GSTCD: variants seen among roughly 807,000 people sequenced by gnomAD.
GSTCD encodes glutathione S-transferase C-terminal domain-containing protein.
A neutral mutation model predicts 68.3 loss-of-function variants in GSTCD; 44 were observed. The observed-to-expected ratio is 0.64, with a 90% CI of 0.51 to 0.83. The LOEUF (loss-of-function observed/expected upper bound fraction) is 0.83. Ranked by LOEUF, GSTCD falls within the 40% of genes least tolerant of loss-of-function variation. The probability of loss-of-function intolerance (pLI) is 0.00; values close to 1 mark genes in which losing one functional copy is unlikely to be tolerated. For synonymous variants in GSTCD, 273 were observed against 255.2 expected (o/e 1.07, Z -0.67); for missense variants, 739 against 735.9 (o/e 1.00, Z -0.05).
chr4:105,790,835 T>A (rs904503632), intron 5 of GSTCD, among the ~76,000 whole-genome samples: 12 of 152,046 alleles, frequency 7.9e-5, no homozygotes, highest in African/African-American at 1.7e-4. Context: ...TGCCTTTTTT[T>A]TAAAAATTTT....
intron 1 of GSTCD, chr4:105,711,175 C>T (rs1037109063): frequency 6.6e-6 from 1 of 151,992 alleles, no homozygotes; most frequent in Non-Finnish European, 1.5e-5. Context: ...GCATAAAACA[C>T]AAGATAAGTT....
chr4:105,733,469 G>T (rs2149215308), intron 5 of GSTCD, among the ~76,000 whole-genome samples: 1 of 152,190 alleles, frequency 6.6e-6, no homozygotes. Context: ...TTTGATCTTT[G>T]TTGGTTTAAA....
chr4:105,767,591 A>G (rs1734668106), intron 5 of GSTCD, among the ~76,000 whole-genome samples: 1 of 152,160 alleles, frequency 6.6e-6, no homozygotes, highest in South Asian at 2.1e-4. Context: ...GCTTATTTAC[A>G]TTTTTGCATA....
intron 5 of GSTCD, among the ~76,000 whole-genome samples, chr4:105,738,720 T>C (rs950322942): frequency 6.6e-6 from 1 of 152,208 alleles, no homozygotes; most frequent in African/African-American, 2.4e-5. Context: ...TTATCAGTTC[T>C]AAGAGTTTCT....
chr4:105,841,572 T>A (rs1028369407), intron 10 of GSTCD, among the ~76,000 whole-genome samples: 3 of 152,042 alleles, frequency 2.0e-5, no homozygotes, highest in African/African-American at 7.2e-5. Context: ...TGGTGGCTCA[T>A]ACCTGTTAAT....
intron 5 of GSTCD, among the ~76,000 whole-genome samples, chr4:105,733,889 C>CA (rs1364943376): frequency 6.6e-6 from 1 of 152,136 alleles, no homozygotes; most frequent in Non-Finnish European, 1.5e-5. Flanking sequence ...CTGGTGGTGA[C>CA]AAAATCTCTC....
intron 5 of GSTCD, among the ~76,000 whole-genome samples, chr4:105,746,908 C>T (rs1249326747): frequency 6.6e-6 from 1 of 152,154 alleles, no homozygotes; most frequent in Non-Finnish European, 1.5e-5. Context: ...GCTCTAGTCC[C>T]TACTTCTTTG....
At chr4:105,729,875 T>C (rs925187590) in intron 5 of GSTCD, among the ~76,000 whole-genome samples, 2 of 152,178 alleles carry the variant, frequency 1.3e-5, no homozygotes, top group Non-Finnish European at 2.9e-5. Context: ...GTATATCTCC[T>C]AATGCTATCC....
intron 1 of GSTCD, chr4:105,712,445 AAAGGG>A (rs1354404637): frequency 6.6e-6 from 1 of 152,260 alleles, no homozygotes; most frequent in Non-Finnish European, 1.5e-5. Flanking sequence ...ATGAGGTCAG[AAAGGG>A]ATAGCTAGGG....
intron 8 of GSTCD, among the ~76,000 whole-genome samples, chr4:105,831,245 C>T (rs1281779898): frequency 2.6e-5 from 4 of 152,144 alleles, no homozygotes; most frequent in African/African-American, 4.8e-5. Flanking sequence ...AATCCTTCTT[C>T]GAAAAGCAAC....
chr4:105,753,109 A>G (rs1734061528), intron 5 of GSTCD: 1 of 152,006 alleles, frequency 6.6e-6, no homozygotes, highest in Non-Finnish European at 1.5e-5. Flanking sequence ...TTTTCCATTG[A>G]TCACAAATCC....
intron 5 of GSTCD, among the ~76,000 whole-genome samples, chr4:105,738,485 T>C (rs556912675): frequency 6.6e-6 from 1 of 152,312 alleles, no homozygotes. Flanking sequence ...GGTACTATGA[T>C]TGTTTTTAAC....
intron 9 of GSTCD, among the ~76,000 whole-genome samples, chr4:105,836,426 G>C (rs767146331): frequency 1.3e-5 from 2 of 152,210 alleles, no homozygotes; most frequent in Non-Finnish European, 2.9e-5. Context: ...TTTCTGGGTT[G>C]ATGGTGGGGC....
chr4:105,742,707 C>CTT (rs70941211), intron 5 of GSTCD, among the ~76,000 whole-genome samples: 1 of 130,398 alleles, frequency 7.7e-6, no homozygotes. Context: ...GTTGTTTTTA[C>CTT]TTTTTTTTTT....
intron 5 of GSTCD, among the ~76,000 whole-genome samples, chr4:105,764,377 G>T (rs531425172): frequency 6.6e-6 from 1 of 152,268 alleles, no homozygotes; most frequent in African/African-American, 2.4e-5. Context: ...GTTCGTTTAT[G>T]AGTGGCTGCA....
chr4:105,732,333 G>C (rs1733277364), intron 5 of GSTCD, among the ~76,000 whole-genome samples: 1 of 152,060 alleles, frequency 6.6e-6, no homozygotes, highest in Non-Finnish European at 1.5e-5. Flanking sequence ...GACTTTTTTT[G>C]GTTGGTAGGC....
intron 10 of GSTCD, among the ~76,000 whole-genome samples, chr4:105,840,878 C>A (rs1724305284): frequency 6.6e-6 from 1 of 152,118 alleles, no homozygotes; most frequent in Non-Finnish European, 1.5e-5. Context: ...AGAAAGAAAT[C>A]AAGCTTCTTT....
intron 5 of GSTCD, among the ~76,000 whole-genome samples, chr4:105,787,960 A>G (rs766873832): frequency 6.6e-6 from 1 of 152,130 alleles, no homozygotes; most frequent in Non-Finnish European, 1.5e-5. Context: ...ATAAAGTAAA[A>G]GAAAGAAAAA....
chr4:105,776,267 GC>G (rs1394192290), intron 5 of GSTCD, among the ~76,000 whole-genome samples: 2 of 152,198 alleles, frequency 1.3e-5, no homozygotes, highest in African/African-American at 4.8e-5. Context: ...ATCTTAGCTT[GC>G]TGGGCTCTGT....
Sources: gnomAD v4.1 joint callset for allele counts (sites outside exome capture counted in the v4.1 genomes callset) on GRCh38, gnomAD v4.1.1 for gene constraint, MANE v1.5 for transcripts, NCBI Gene and HGNC (gene_info 2026-07-23, HGNC 2026-07-21) for gene names.